Variants in MARCHF1 observed in about 807,000 individuals in gnomAD.
The protein encoded by MARCHF1 is membrane associated ring-CH-type finger 1, also known as E3 ubiquitin-protein ligase MARCHF1.
MARCHF1 carries 40 observed loss-of-function variants against 54.2 expected under a neutral mutation model. The observed-to-expected ratio is 0.74, with a 90% confidence interval of 0.57 to 0.96. The LOEUF (loss-of-function observed/expected upper bound fraction) is 0.96. MARCHF1 is among the 40% of genes least tolerant of loss of function. The pLI is 0.00. For synonymous variants in MARCHF1, 236 were observed against 236.3 expected (o/e 1.00, Z 0.01); for missense variants, 586 against 656.5 (o/e 0.89, Z 1.17).
chr4:163,630,107 T>C (rs189091462), intron 5 of MARCHF1, among the ~76,000 whole-genome samples: 7 of 152,340 alleles, frequency 4.6e-5, no homozygotes, highest in African/African-American at 1.7e-4. Flanking sequence ...AATTATGTCA[T>C]ATGTCTACCC....
At chr4:164,154,519 C>T (rs946858525) in intron 1 of MARCHF1, among the ~76,000 whole-genome samples, 5 of 152,044 alleles carry the variant, frequency 3.3e-5, no homozygotes, top group African/African-American at 1.2e-4. Flanking sequence ...GTTCCCTGAC[C>T]CCCACTTGCA....
chr4:163,613,408 T>C lies in MARCHF1; in HGVS notation c.163-15A>G. The C allele has an allele frequency of 6.2e-7, 1 of 1,613,378 alleles. No individual in the cohort carries two copies. Among genetic ancestry groups the C allele is most frequent in the Non-Finnish European group, 8.5e-7 (1 of 1,179,566 alleles). On this transcript the variant is annotated splice_polypyrimidine_tract_variant and intron_variant, in intron 5 of 9. Coordinates refer to ENST00000514618, the MANE Select transcript of MARCHF1 (RefSeq NM_001394959.1). ...GGGCTGCTTGCCTGGAGAAACAAGT[T>C]AGATAATTTGGCATCTTGGTTAAGG... is the stretch of plus-strand genomic sequence containing the variant.
intron 4 of MARCHF1, among the ~76,000 whole-genome samples, chr4:163,841,233 G>A (rs1749327900): frequency 6.6e-6 from 1 of 152,002 alleles, no homozygotes; most frequent in Non-Finnish European, 1.5e-5. Context: ...CCCACAGAAT[G>A]TACAAAACTA....
In MARCHF1 at chr4:163,526,701, G is replaced by C. The variant is rs1289996362; in HGVS notation, c.*2047C>G. The C allele has an allele frequency of 6.6e-6, 1 of 151,818 alleles. No individual in the cohort carries two copies. The highest frequency in any genetic ancestry group is 1.5e-5 in the Non-Finnish European group (1 of 67,878). The allele number at this position is 151,818 out of a possible 1,614,324, so 9.4% of individuals were successfully genotyped here. A position where few individuals can be genotyped will look rare whatever the true frequency, so the allele number is the denominator to read the frequency against. Reference sequence around the variant, plus strand: ...ATATCCTTATTTATACAGAATTTTTGGTTCAGTTTAGTTACCTCAACTTTG... The same window carrying C: ...ATATCCTTATTTATACAGAATTTTTCGTTCAGTTTAGTTACCTCAACTTTG... On this transcript the variant is annotated 3_prime_UTR_variant, in exon 10 of 10. Transcript: ENST00000514618.
intron 1 of MARCHF1, among the ~76,000 whole-genome samples, chr4:164,236,658 A>G (rs1440051567): frequency 6.6e-6 from 1 of 152,144 alleles, no homozygotes; most frequent in Non-Finnish European, 1.5e-5. Flanking sequence ...CACACTGCAC[A>G]TGTCTGCAAA....
At chr4:164,208,930 G>C (rs1450739078) in intron 1 of MARCHF1, among the ~76,000 whole-genome samples, 1 of 151,804 alleles carries the variant, frequency 6.6e-6, no homozygotes, top group Non-Finnish European at 1.5e-5. Flanking sequence ...AGGCAACAGA[G>C]TAATACCCTG....
At chr4:164,213,352 G>C (rs1731835083) in intron 1 of MARCHF1, among the ~76,000 whole-genome samples, 1 of 151,588 alleles carries the variant, frequency 6.6e-6, no homozygotes, top group African/African-American at 2.4e-5. Context: ...TCCTGCCTCA[G>C]CCTCCCAAGT....
intron 8 of MARCHF1, among the ~76,000 whole-genome samples, chr4:163,561,296 C>A (rs1434550363): frequency 1.3e-5 from 2 of 152,080 alleles, no homozygotes; most frequent in African/African-American, 4.8e-5. Flanking sequence ...CAAATTTTTT[C>A]TATGCCTTCT....
At chr4:163,643,158 C>CAAAAAAA (rs34228966) in intron 5 of MARCHF1, among the ~76,000 whole-genome samples, 1 of 104,160 alleles carries the variant, frequency 9.6e-6, no homozygotes. Flanking sequence ...ACTATAAATA[C>CAAAAAAA]AAAAAAAAAA....
chr4:164,314,765 T>C (rs1351298548), intron 1 of MARCHF1, among the ~76,000 whole-genome samples: 1 of 152,226 alleles, frequency 6.6e-6, no homozygotes, highest in Non-Finnish European at 1.5e-5. Context: ...TTCTTAGTTG[T>C]ATATTTAACA....
intron 4 of MARCHF1, among the ~76,000 whole-genome samples, chr4:163,702,800 G>C (rs1002474856): frequency 1.3e-5 from 2 of 152,134 alleles, no homozygotes; most frequent in African/African-American, 4.8e-5. Context: ...CCCAATATAA[G>C]GTCAGGCATT....
chr4:164,382,058 G>A (rs948803534), intron 1 of MARCHF1, among the ~76,000 whole-genome samples: 1 of 152,264 alleles, frequency 6.6e-6, no homozygotes, highest in South Asian at 2.1e-4. Flanking sequence ...GTAGAGATAC[G>A]CATGTAAAAG....
At chr4:163,950,107 G>A (rs1217071397) in intron 3 of MARCHF1, among the ~76,000 whole-genome samples, 1 of 152,182 alleles carries the variant, frequency 6.6e-6, no homozygotes, top group Non-Finnish European at 1.5e-5. Context: ...GCCAGGCCCA[G>A]CCTGAAGGTG....
chr4:163,822,513 T>A (rs1748721784), intron 4 of MARCHF1, among the ~76,000 whole-genome samples: 2 of 152,034 alleles, frequency 1.3e-5, no homozygotes, highest in Non-Finnish European at 1.5e-5. Context: ...CGATTCTTTT[T>A]AAAAAATAAT....
intron 2 of MARCHF1, among the ~76,000 whole-genome samples, chr4:164,050,535 A>G (rs1437321088): frequency 6.6e-6 from 1 of 152,004 alleles, no homozygotes; most frequent in Non-Finnish European, 1.5e-5. Context: ...CATCTCCATT[A>G]CTAGAACAGT....
At chr4:163,986,318 G>T (rs530887010) in intron 3 of MARCHF1, among the ~76,000 whole-genome samples, 2 of 125,030 alleles carry the variant, frequency 1.6e-5, no homozygotes, top group Non-Finnish European at 3.2e-5. Context: ...AGGCTGGAGT[G>T]CAGTGGCGCG....
At chr4:163,960,814 TA>T (rs70948681) in intron 3 of MARCHF1, among the ~76,000 whole-genome samples, 4,043 of 134,540 alleles carry the variant, frequency 0.03, 86 homozygotes, top group African/African-American at 0.06. Flanking sequence ...AAATAAAAGA[TA>T]AAAAAAAAAA....
intron 2 of MARCHF1, among the ~76,000 whole-genome samples, chr4:164,049,888 A>T (rs781025643): frequency 1.1e-4 from 17 of 152,040 alleles, no homozygotes; most frequent in Admixed American, 1.3e-4. Context: ...CTGTCCTGGA[A>T]CTCTTTCCTG....
intron 2 of MARCHF1, among the ~76,000 whole-genome samples, chr4:164,084,174 G>A (rs1755152022): frequency 6.6e-6 from 1 of 151,912 alleles, no homozygotes; most frequent in Non-Finnish European, 1.5e-5. Context: ...GCTGATAAGA[G>A]AAGCTGTGAT....
Sources: gnomAD v4.1 joint callset for allele counts (sites outside exome capture counted in the v4.1 genomes callset) on GRCh38, gnomAD v4.1.1 for gene constraint, MANE v1.5 for transcripts, NCBI Gene and HGNC (gene_info 2026-07-23, HGNC 2026-07-21) for gene names.